TASP1: variants seen among roughly 807,000 people sequenced by gnomAD.
TASP1 encodes the protein taspase 1.
In TASP1, 16 loss-of-function variants were observed where a neutral mutation model predicts 56.6. The observed-to-expected ratio is 0.28, with a 90% CI of 0.19 to 0.43. The LOEUF is 0.43. Among genes scored for constraint, TASP1 ranks in the 20% least tolerant of loss-of-function variants. The pLI, the probability that TASP1 is intolerant of heterozygous loss-of-function variation, is 1.00. For synonymous variants in TASP1, 179 were observed against 184.2 expected (o/e 0.97, Z 0.23); for missense variants, 393 against 511.6 (o/e 0.77, Z 2.24).
the TASP1 span, among the ~76,000 whole-genome samples, chr20:13,255,916 G>T: frequency 7.7e-6 from 1 of 130,320 alleles, no homozygotes; most frequent in African/African-American, 3.1e-5. Flanking sequence ...ATTTAGTAAA[G>T]TTCCTGGGGT....
intron 9 of TASP1, 104 bp downstream of exon 9, chr20:13,533,918 C>T: frequency 7.6e-7 from 1 of 1,316,328 alleles, no homozygotes; most frequent in South Asian, 1.5e-5. Flanking sequence ...CAATGACATT[C>T]ATTTTTTCTA....
chr20:13,163,952 G>A, the TASP1 span, among the ~76,000 whole-genome samples: 309 of 151,928 alleles, frequency 2.0e-3, no homozygotes, highest in South Asian at 3.7e-3. Context: ...TGTGCACAAC[G>A]TGCAGGTTTG....
At position 13,418,267 on chromosome 20, in the gene TASP1, G is replaced by A. The variant is rs1340198246; in HGVS notation, c.1097-746C>T. Reference sequence around the variant, plus strand: ...AAGAACCAGGATTCTTTGGAGAAATGTCCATTCCAGAGCTGGGACAGAGAA... The same window carrying A: ...AAGAACCAGGATTCTTTGGAGAAATATCCATTCCAGAGCTGGGACAGAGAA... On this transcript the variant is annotated intron_variant, in intron 12 of 13. Coordinates refer to ENST00000337743, the MANE Select transcript of TASP1 (RefSeq NM_017714.3). 3.2e-4 allele frequency among the ~76,000 whole-genome samples: 49 copies of A among 152,124 alleles called. 1 individual carries two copies. Among genetic ancestry groups the A allele is most frequent in the Admixed American group, 3.2e-3 (49 of 15,278 alleles).
At chr20:13,481,415 C>T (rs1419530178) in intron 11 of TASP1, among the ~76,000 whole-genome samples, 2 of 152,082 alleles carry the variant, frequency 1.3e-5, no homozygotes, top group African/African-American at 2.4e-5. Context: ...TATACTGCTT[C>T]CCTTCTTTTG....
At chr20:13,595,177 G>A (rs1421894204) in intron 4 of TASP1, among the ~76,000 whole-genome samples, 2 of 152,130 alleles carry the variant, frequency 1.3e-5, no homozygotes, top group South Asian at 2.1e-4. Flanking sequence ...AGCAAATGCT[G>A]AGAGATTTTG....
At chr20:13,485,135 A>G (rs1478829291) in intron 10 of TASP1, among the ~76,000 whole-genome samples, 1 of 152,242 alleles carries the variant, frequency 6.6e-6, no homozygotes, top group African/African-American at 2.4e-5. Flanking sequence ...ATAATAAAAA[A>G]TAATAGAATA....
At chr20:13,241,077 A>T in the TASP1 span, among the ~76,000 whole-genome samples, 2 of 152,190 alleles carry the variant, frequency 1.3e-5, no homozygotes, top group South Asian at 4.2e-4. Context: ...AGGAGAGAGG[A>T]CTTCTATCGA....
the TASP1 span, among the ~76,000 whole-genome samples, chr20:13,321,271 A>AAAAAAAAAAAAAAAAAAAAAAAAAAT: frequency 6.6e-6 from 1 of 151,014 alleles, no homozygotes; most frequent in Non-Finnish European, 1.5e-5. Flanking sequence ...AAAAAAAAAA[A>AAAAAAAAAAAAAAAAAAAAAAAAAAT]AAAAAGATTT....
chr20:13,336,091 T>A, the TASP1 span, among the ~76,000 whole-genome samples: 1 of 152,044 alleles, frequency 6.6e-6, no homozygotes, highest in Non-Finnish European at 1.5e-5. Context: ...AAAAAACACA[T>A]TACATAGAAA....
intron 8 of TASP1, among the ~76,000 whole-genome samples, chr20:13,536,554 TCAA>T (rs887202015): frequency 5.3e-4 from 80 of 152,248 alleles, no homozygotes; most frequent in African/African-American, 1.9e-3. Flanking sequence ...AACAGAGAAG[TCAA>T]GAAAGGGTAT....
the TASP1 span, among the ~76,000 whole-genome samples, chr20:13,147,108 C>T: frequency 3.3e-5 from 5 of 152,262 alleles, no homozygotes; most frequent in South Asian, 6.2e-4. Context: ...GCCATGCCGA[C>T]GGCTGCCCAC....
intron 10 of TASP1, among the ~76,000 whole-genome samples, chr20:13,492,440 T>C (rs1370293219): frequency 6.6e-6 from 1 of 152,190 alleles, no homozygotes; most frequent in Non-Finnish European, 1.5e-5. Context: ...ACTGCCAATT[T>C]TGGAGTTGGG....
the TASP1 span, chr20:13,117,772 G>A: frequency 1.3e-6 from 2 of 1,525,422 alleles, no homozygotes; most frequent in Non-Finnish European, 1.8e-6. Context: ...AGCGCCCTGG[G>A]GATGCCGTGT....
chr20:13,614,666 C>T, intron 4 of TASP1: 1 of 355,480 alleles, frequency 2.8e-6, no homozygotes, highest in South Asian at 2.4e-5. Flanking sequence ...AATGACATCA[C>T]AACAGTTTTC....
chr20:13,406,358 T>C (rs1036540546), intron 13 of TASP1, among the ~76,000 whole-genome samples: 7 of 152,252 alleles, frequency 4.6e-5, no homozygotes, highest in East Asian at 1.9e-4. Flanking sequence ...CAAGGTTTTA[T>C]AGTTTTCAGG....
At chr20:13,181,620 T>A in the TASP1 span, among the ~76,000 whole-genome samples, 2 of 152,168 alleles carry the variant, frequency 1.3e-5, no homozygotes, top group Non-Finnish European at 2.9e-5. Flanking sequence ...ATGGAAAGTG[T>A]CCGGTGTCTT....
chr20:13,540,797 T>C (rs185842200), intron 8 of TASP1, among the ~76,000 whole-genome samples: 1 of 152,298 alleles, frequency 6.6e-6, no homozygotes, highest in East Asian at 1.9e-4. Context: ...ATTGGTTACA[T>C]GGTTATATAC....
chr20:13,166,991 A>C, the TASP1 span: 1 of 152,210 alleles, frequency 6.6e-6, no homozygotes, highest in Non-Finnish European at 1.5e-5. Context: ...TTACACTGCA[A>C]TGTACAAAAC....
At chr20:13,425,071 A>C (rs762064452) in intron 12 of TASP1, among the ~76,000 whole-genome samples, 2 of 152,208 alleles carry the variant, frequency 1.3e-5, no homozygotes, top group Non-Finnish European at 2.9e-5. Flanking sequence ...ATGTATTTGT[A>C]CTTAATCTTA....
Sources: allele counts gnomAD v4.1 joint callset (sites outside exome capture counted in the v4.1 genomes callset), GRCh38; gene constraint gnomAD v4.1.1; transcripts MANE v1.5; gene names NCBI Gene and HGNC (gene_info 2026-07-23, HGNC 2026-07-21).